The following CADM2 variants were observed in gnomAD, a reference collection of about 807,000 sequenced individuals.
CADM2 encodes the protein immunoglobulin superfamily member 4D.
A neutral mutation model predicts 49.8 loss-of-function variants in CADM2; 12 were observed. The ratio of observed to expected loss-of-function variants is 0.24; its 90% CI spans 0.15 to 0.39. CADM2 has a LOEUF of 0.39. Among genes scored for constraint, CADM2 ranks in the 10% least tolerant of loss-of-function variants. The probability of loss-of-function intolerance (pLI) is 1.00; values close to 1 mark genes in which losing one functional copy is unlikely to be tolerated. For missense variants in CADM2, 378 were observed against 492.3 expected (o/e 0.77, Z 2.20); for synonymous variants, 214 against 175.4 (o/e 1.22, Z -1.74).
intron 8 of CADM2, among the ~76,000 whole-genome samples, chr3:86,021,990 C>T (rs1381602337): frequency 6.6e-6 from 1 of 152,044 alleles, no homozygotes; most frequent in Admixed American, 6.6e-5. Flanking sequence ...TTTTGCCACA[C>T]ACTCAAAAAA....
At chr3:85,053,476 A>G (rs1437293275) in intron 1 of CADM2, among the ~76,000 whole-genome samples, 1 of 152,056 alleles carries the variant, frequency 6.6e-6, no homozygotes, top group African/African-American at 2.4e-5. Context: ...AGAAGACAAC[A>G]TTTATGATGA....
chr3:85,528,604 A>G (rs2106939852), intron 1 of CADM2, among the ~76,000 whole-genome samples: 1 of 152,336 alleles, frequency 6.6e-6, no homozygotes, highest in Non-Finnish European at 1.5e-5. Flanking sequence ...CTGGCATGTA[A>G]TATTTATCAG....
At chr3:85,250,181 T>G (rs75877340) in intron 1 of CADM2, among the ~76,000 whole-genome samples, 4,242 of 151,730 alleles carry the variant, frequency 0.028, 188 homozygotes, top group African/African-American at 0.096. Context: ...ATTTGCTGAG[T>G]AAAATATTTT....
At chr3:85,969,885 A>G (rs1725901210) in intron 8 of CADM2, among the ~76,000 whole-genome samples, 1 of 150,852 alleles carries the variant, frequency 6.6e-6, no homozygotes, top group South Asian at 2.1e-4. Context: ...ATACACATAT[A>G]CACATATATA....
chr3:85,078,852 T>C (rs1461146225), intron 1 of CADM2, among the ~76,000 whole-genome samples: 1 of 151,852 alleles, frequency 6.6e-6, no homozygotes, highest in Non-Finnish European at 1.5e-5. Flanking sequence ...ACTCTTGCCG[T>C]AGCACTTTAT....
rs754722306 is a variant in CADM2, at chr3:85,979,211, A to C, written c.970+17564A>C. The C allele has an allele frequency of 3.7e-6, 6 of 1,610,716 alleles. No homozygotes were observed. The East Asian group carries it at 1.3e-4, about 36-fold the overall frequency. Reference sequence around the variant, plus strand: ...CACTACTATCATCCCCTCCCTTACCACTGCAACAGTCACAACCACTGTAGC... The same window carrying C: ...CACTACTATCATCCCCTCCCTTACCCCTGCAACAGTCACAACCACTGTAGC... On this transcript the variant is annotated intron_variant, in intron 8 of 9. Coordinates refer to ENST00000383699, the MANE Select transcript of CADM2 (RefSeq NM_001167675.2).
intron 2 of CADM2, among the ~76,000 whole-genome samples, chr3:85,752,218 C>T (rs1393745021): frequency 2.0e-5 from 3 of 152,086 alleles, no homozygotes; most frequent in Admixed American, 6.6e-5. Context: ...GAGGCCTAGC[C>T]AGCATGATGC....
chr3:85,447,470 A>T (rs2037521805), intron 1 of CADM2, among the ~76,000 whole-genome samples: 1 of 152,180 alleles, frequency 6.6e-6, no homozygotes. Context: ...TCTGAATCAT[A>T]AAGTTTTGCC....
At chr3:85,744,188 A>G (rs896481389) in intron 2 of CADM2, among the ~76,000 whole-genome samples, 2 of 152,138 alleles carry the variant, frequency 1.3e-5, no homozygotes, top group Non-Finnish European at 2.9e-5. Context: ...GAGTACAATG[A>G]TGGTTACCAG....
In CADM2 at chr3:85,159,461, C is replaced by A. The variant is rs543246628; in HGVS notation, c.61+199793C>A. ...GAGTAAAATCATCAGGATGTGGAAA[C>A]TGTATAATTTGGTGAGTCAGCTCCT... On this transcript the variant is annotated intron_variant, in intron 1 of 9. Coordinates refer to ENST00000383699, the MANE Select transcript of CADM2 (RefSeq NM_001167675.2). Among the ~76,000 whole-genome samples, 43 of 152,250 alleles carry A rather than the reference C, an allele frequency of 2.8e-4. 1 individual carries two copies. The highest frequency in any genetic ancestry group is 8.4e-4 in the African/African-American group (35 of 41,546).
At chr3:85,448,974 C>T (rs1274244366) in intron 1 of CADM2, among the ~76,000 whole-genome samples, 5 of 150,948 alleles carry the variant, frequency 3.3e-5, no homozygotes, top group East Asian at 3.9e-4. Context: ...CGCTTGAACC[C>T]GGGAGGCGGA....
chr3:85,005,834 C>A (rs1025679055), intron 1 of CADM2, among the ~76,000 whole-genome samples: 1 of 152,018 alleles, frequency 6.6e-6, no homozygotes, highest in Non-Finnish European at 1.5e-5. Context: ...CAATTACCAA[C>A]TCTGAGGAGT....
chr3:85,202,022 A>G (rs2041515447), intron 1 of CADM2, among the ~76,000 whole-genome samples: 2 of 150,164 alleles, frequency 1.3e-5, no homozygotes, highest in African/African-American at 4.9e-5. Context: ...GGAGGTTGCA[A>G]TGAACCGAGA....
chr3:85,235,540 C>A (rs1214722061), intron 1 of CADM2, among the ~76,000 whole-genome samples: 6 of 152,032 alleles, frequency 3.9e-5, no homozygotes, highest in Admixed American at 1.3e-4. Flanking sequence ...ATTAAATGCA[C>A]TGTATTTGAT....
At chr3:86,041,610 T>C (rs551879108) in intron 8 of CADM2, among the ~76,000 whole-genome samples, 1 of 152,232 alleles carries the variant, frequency 6.6e-6, no homozygotes, top group East Asian at 1.9e-4. Context: ...CAAAGAGACT[T>C]AGACTCCCAC....
intron 3 of CADM2, among the ~76,000 whole-genome samples, chr3:85,838,998 G>A (rs1412568817): frequency 1.3e-5 from 2 of 151,814 alleles, no homozygotes; most frequent in African/African-American, 4.8e-5. Context: ...GAATCTTGAG[G>A]TGGGATGGAG....
chr3:85,710,282 C>G (rs1050811484), intron 1 of CADM2, among the ~76,000 whole-genome samples: 2 of 152,108 alleles, frequency 1.3e-5, no homozygotes, highest in African/African-American at 4.8e-5. Context: ...TTCTCTTGCT[C>G]TAGATTTCCA....
At chr3:85,303,850 A>T (rs1232430718) in intron 1 of CADM2, among the ~76,000 whole-genome samples, 1 of 151,890 alleles carries the variant, frequency 6.6e-6, no homozygotes, top group Non-Finnish European at 1.5e-5. Flanking sequence ...TCACAGCATT[A>T]AAAGATTGGA....
intron 1 of CADM2, among the ~76,000 whole-genome samples, chr3:85,644,978 A>G (rs1457821265): frequency 6.6e-6 from 1 of 152,048 alleles, no homozygotes; most frequent in Non-Finnish European, 1.5e-5. Flanking sequence ...GATTTTTCCT[A>G]ATGAAGTATG....
Sources: allele counts gnomAD v4.1 joint callset (sites outside exome capture counted in the v4.1 genomes callset), GRCh38; gene constraint gnomAD v4.1.1; transcripts MANE v1.5; gene names NCBI Gene and HGNC (gene_info 2026-07-23, HGNC 2026-07-21).